The following TAFA1 variants were observed in gnomAD, a reference collection of about 807,000 sequenced individuals.
TAFA1 encodes chemokine-like protein TAFA-1.
In TAFA1, 4 loss-of-function variants were observed where a neutral mutation model predicts 18.5. The ratio of observed to expected loss-of-function variants is 0.22; its 90% CI spans 0.11 to 0.49. The LOEUF (loss-of-function observed/expected upper bound fraction) is 0.49. Among genes scored for constraint, TAFA1 ranks in the 20% least tolerant of loss-of-function variants. TAFA1 has a pLI of 0.98. For missense variants in TAFA1, 147 were observed against 169.0 expected (o/e 0.87, Z 0.72); for synonymous variants, 56 against 55.2 (o/e 1.01, Z -0.06).
intron 2 of TAFA1, among the ~76,000 whole-genome samples, chr3:68,115,705 CAG>C (rs1402345155): frequency 6.6e-6 from 1 of 152,168 alleles, no homozygotes; most frequent in Non-Finnish European, 1.5e-5. Context: ...GAAAACACAG[CAG>C]AATGCTAACC....
intron 2 of TAFA1, among the ~76,000 whole-genome samples, chr3:68,173,087 A>G (rs2066078239): frequency 6.6e-6 from 1 of 152,102 alleles, no homozygotes; most frequent in African/African-American, 2.4e-5. Flanking sequence ...CCTTGAGCTC[A>G]GTACAAAAAA....
At chr3:68,452,380 G>A (rs1350437861) in intron 3 of TAFA1, among the ~76,000 whole-genome samples, 1 of 151,796 alleles carries the variant, frequency 6.6e-6, no homozygotes, top group Non-Finnish European at 1.5e-5. Context: ...ACAATTAGCT[G>A]GGCGTTGTTG....
chr3:68,022,859 TAA>T (rs1190910296), intron 2 of TAFA1, among the ~76,000 whole-genome samples: 19 of 115,818 alleles, frequency 1.6e-4, no homozygotes, highest in Non-Finnish European at 3.4e-4. Flanking sequence ...TATATATATA[TAA>T]AATTAAGATT....
upstream of TAFA1, among the ~76,000 whole-genome samples, chr3:67,999,682 C>T (rs1159290844): frequency 2.0e-5 from 3 of 151,868 alleles, no homozygotes; most frequent in African/African-American, 7.3e-5. Flanking sequence ...AATTCCAACA[C>T]AAATTTAGTG....
intron 2 of TAFA1, chr3:68,144,924 G>A: frequency 6.8e-6 from 5 of 735,778 alleles, no homozygotes; most frequent in South Asian, 1.5e-5. Context: ...TCATATCTTA[G>A]AGAGTTGTTG....
intron 3 of TAFA1, among the ~76,000 whole-genome samples, chr3:68,437,906 T>A (rs1387785940): frequency 6.6e-6 from 1 of 152,118 alleles, no homozygotes; most frequent in African/African-American, 2.4e-5. Flanking sequence ...AAAGTCCGTC[T>A]ACTTTTTTGT....
chr3:68,158,029 C>T (rs973733535), intron 2 of TAFA1, among the ~76,000 whole-genome samples: 15 of 152,058 alleles, frequency 9.9e-5, no homozygotes, highest in Admixed American at 5.9e-4. Flanking sequence ...TTAGAATGAG[C>T]GGAAATTAAA....
intron 2 of TAFA1, among the ~76,000 whole-genome samples, chr3:68,230,421 T>A (rs2066858618): frequency 6.6e-6 from 1 of 152,168 alleles, no homozygotes; most frequent in Admixed American, 6.5e-5. Flanking sequence ...GTCCTCCAGT[T>A]CCATCCATGT....
At chr3:67,996,738 G>A in the TAFA1 span, among the ~76,000 whole-genome samples, 2 of 151,932 alleles carry the variant, frequency 1.3e-5, no homozygotes, top group African/African-American at 2.4e-5. Flanking sequence ...GGCAGAGGTT[G>A]CAGTGAGCCG....
intron 2 of TAFA1, among the ~76,000 whole-genome samples, chr3:68,076,905 C>A: frequency 6.6e-6 from 1 of 152,164 alleles, no homozygotes; most frequent in East Asian, 1.9e-4. Flanking sequence ...AATGGTTGAA[C>A]TAGTTTACAA....
chr3:68,377,284 C>T (rs1427197745), intron 2 of TAFA1, among the ~76,000 whole-genome samples: 2 of 152,118 alleles, frequency 1.3e-5, no homozygotes, highest in African/African-American at 4.8e-5. Context: ...TTGGAACTTC[C>T]TAGAGACTTG....
intron 1 of TAFA1, 92 bp from the exon 2 acceptor site, chr3:68,006,532 A>G (rs1010333891): frequency 1.2e-6 from 1 of 800,952 alleles, no homozygotes; most frequent in South Asian, 1.4e-5. Context: ...AAGGAACATG[A>G]CGTCTGAGAC....
chr3:68,273,525 A>C (rs2067718102), intron 2 of TAFA1, among the ~76,000 whole-genome samples: 1 of 152,250 alleles, frequency 6.6e-6, no homozygotes, highest in Non-Finnish European at 1.5e-5. Flanking sequence ...TGACAAGCTA[A>C]GCAGGTAAGA....
At chr3:68,002,342 C>T (rs1012678619), upstream of TAFA1, among the ~76,000 whole-genome samples, 1 of 152,208 alleles carries the variant, frequency 6.6e-6, no homozygotes, top group Non-Finnish European at 1.5e-5. Flanking sequence ...CAATGCCTAT[C>T]TGAATGCCTT....
At chr3:68,292,253 C>T (rs1001339455) in intron 2 of TAFA1, among the ~76,000 whole-genome samples, 2 of 151,904 alleles carry the variant, frequency 1.3e-5, no homozygotes, top group Non-Finnish European at 1.5e-5. Context: ...GGCATCTGTC[C>T]TCTTTTCCCA....
At chr3:68,526,105 A>G (rs1178793182) in intron 3 of TAFA1, among the ~76,000 whole-genome samples, 4 of 152,206 alleles carry the variant, frequency 2.6e-5, no homozygotes, top group Admixed American at 6.5e-5. Flanking sequence ...CCTAGTTGGT[A>G]TCAATTTGTA....
intron 3 of TAFA1, among the ~76,000 whole-genome samples, chr3:68,496,886 A>G (rs1382705730): frequency 1.3e-5 from 2 of 152,198 alleles, no homozygotes; most frequent in African/African-American, 2.4e-5. Flanking sequence ...AACATACAGT[A>G]AGATTCTATC....
chr3:68,378,810 A>G (rs1436914228), intron 2 of TAFA1, among the ~76,000 whole-genome samples: 1 of 152,062 alleles, frequency 6.6e-6, no homozygotes, highest in African/African-American at 2.4e-5. Flanking sequence ...TCGTTTCGTA[A>G]GCAAAGCCTT....
At chr3:68,459,126 G>A (rs1224144904) in intron 3 of TAFA1, among the ~76,000 whole-genome samples, 3 of 152,106 alleles carry the variant, frequency 2.0e-5, no homozygotes, top group South Asian at 4.1e-4. Flanking sequence ...TGAGTGCAGG[G>A]TGCTCCCTGG....
Sources: allele counts gnomAD v4.1 joint callset (sites outside exome capture counted in the v4.1 genomes callset), GRCh38; gene constraint gnomAD v4.1.1; transcripts MANE v1.5; gene names NCBI Gene and HGNC (gene_info 2026-07-23, HGNC 2026-07-21).